PLEKHH2: variants seen among roughly 807,000 people sequenced by gnomAD.
PLEKHH2 encodes the protein pleckstrin homology, MyTH4 and FERM domain containing H2.
In PLEKHH2, 129 loss-of-function variants were observed where a neutral mutation model predicts 187.9. The ratio of observed to expected loss-of-function variants is 0.69; its 90% CI spans 0.59 to 0.79. PLEKHH2 has a LOEUF of 0.79. Among genes scored for constraint, PLEKHH2 ranks in the 30% least tolerant of loss-of-function variants. The probability of loss-of-function intolerance (pLI) is 0.00; values close to 1 mark genes in which losing one functional copy is unlikely to be tolerated. For missense variants in PLEKHH2, 2,076 were observed against 1,751.2 expected (o/e 1.19, Z -3.31); for synonymous variants, 686 against 605.6 (o/e 1.13, Z -1.95).
chr2:43,752,113 T>C (rs931963850), intron 24 of PLEKHH2, among the ~76,000 whole-genome samples: 7 of 152,174 alleles, frequency 4.6e-5, no homozygotes, highest in Admixed American at 3.3e-4. Context: ...TGGATTACAG[T>C]GATGAGTATG....
At chr2:43,658,962 T>C (rs1666926831) in intron 2 of PLEKHH2, 1 of 145,990 alleles carries the variant, frequency 6.8e-6, no homozygotes, top group Non-Finnish European at 1.5e-5. Context: ...TTTTAAGACT[T>C]TTTTTTCTTT....
intron 2 of PLEKHH2, among the ~76,000 whole-genome samples, chr2:43,672,600 TTTTTCTATGTAC>T (rs1253806111): frequency 6.6e-6 from 1 of 152,198 alleles, no homozygotes; most frequent in Non-Finnish European, 1.5e-5. Context: ...ATTTGAACCC[TTTTTCTATGTAC>T]TTTCATATAT....
intron 3 of PLEKHH2, among the ~76,000 whole-genome samples, chr2:43,684,660 C>T (rs1668407107): frequency 6.6e-6 from 1 of 151,984 alleles, no homozygotes; most frequent in African/African-American, 2.4e-5. Flanking sequence ...GCCATCAGGG[C>T]CAACCACTGG....
Position 43,675,886 on chromosome 2 carries a change from A to G in PLEKHH2, c.124-2977A>G, listed in dbSNP as rs528791936. The G allele has an allele frequency of 2.5e-6, 4 of 1,614,130 alleles. No individual in the cohort carries two copies. In the African/African-American group the frequency reaches 5.3e-5, roughly 22 times the overall value. ...GTACTTTAAATTTTCAATGACAGCAAACGTAGTGGGAAGTGCAAGGAAGAA... is the reference window on the plus strand; with the variant it reads ...GTACTTTAAATTTTCAATGACAGCAGACGTAGTGGGAAGTGCAAGGAAGAA... On this transcript the variant is annotated intron_variant, in intron 2 of 29. Transcript: ENST00000282406.
In PLEKHH2 at chr2:43,707,514, T is replaced by G. The variant is rs1486842333; in HGVS notation, c.1935T>G (p.Ser645Arg). ...RTSESDSRSR[S>R]GPGSPRAMKR... ...CAGAGTCAGACTCACGCAGTAGGAG[T>G]GGGCCAGGCAGCCCCAGAGCCATGA... Residue 645 changes from serine (S) to arginine (R), a missense_variant, in exon 11 of 30, where the codon AGT becomes AGG. Coordinates refer to ENST00000282406, the MANE Select transcript of PLEKHH2 (RefSeq NM_172069.4). 1.2e-6 allele frequency: 2 copies of G among 1,613,866 alleles called. No homozygotes were observed. Among genetic ancestry groups the G allele is most frequent in the East Asian group, 4.5e-5 (2 of 44,870 alleles).
intron 1 of PLEKHH2, among the ~76,000 whole-genome samples, chr2:43,643,098 G>C (rs1000406914): frequency 6.6e-6 from 1 of 152,096 alleles, no homozygotes; most frequent in Non-Finnish European, 1.5e-5. Flanking sequence ...ACGTGTTTGT[G>C]ATCGACAAAC....
intron 20 of PLEKHH2, among the ~76,000 whole-genome samples, chr2:43,739,027 G>C (rs1050511327): frequency 3.3e-5 from 5 of 152,134 alleles, no homozygotes. Context: ...AAGTAGCTGA[G>C]ATTACAGGCA....
At chr2:43,669,724 G>A (rs76024393) in intron 2 of PLEKHH2, among the ~76,000 whole-genome samples, 37 of 144,328 alleles carry the variant, frequency 2.6e-4, no homozygotes, top group Non-Finnish European at 4.1e-4. Context: ...TTTTTTTTTT[G>A]AGACGGAGTC....
chr2:43,710,688 TG>T (rs1482316364), intron 14 of PLEKHH2, 113 bp downstream of exon 14: 2 of 1,478,270 alleles, frequency 1.4e-6, no homozygotes, highest in South Asian at 1.4e-5. Flanking sequence ...TTATTCACTT[TG>T]GGGGGTTAGT....
chr2:43,757,900 C>A (rs561119905), intron 26 of PLEKHH2, among the ~76,000 whole-genome samples: 1 of 151,642 alleles, frequency 6.6e-6, no homozygotes, highest in South Asian at 2.1e-4. Flanking sequence ...GAAGTACATA[C>A]CAAAAAATTA....
intron 19 of PLEKHH2, among the ~76,000 whole-genome samples, chr2:43,733,310 C>A (rs1277619055): frequency 3.3e-5 from 5 of 150,150 alleles, no homozygotes; most frequent in African/African-American, 1.2e-4. Flanking sequence ...TTGCACTGAG[C>A]CGAGATCGCA....
chr2:43,762,697 A>T (rs917357145), intron 28 of PLEKHH2, among the ~76,000 whole-genome samples: 4 of 152,188 alleles, frequency 2.6e-5, no homozygotes, highest in Non-Finnish European at 4.4e-5. Context: ...TTCCTGTGTA[A>T]AATAAAAATC....
chr2:43,725,168 GT>G (rs548744434), intron 16 of PLEKHH2, among the ~76,000 whole-genome samples: 1 of 152,002 alleles, frequency 6.6e-6, no homozygotes, highest in Non-Finnish European at 1.5e-5. Flanking sequence ...ACAGAGCAGA[GT>G]TTTTTTTATC....
chr2:43,738,670 GTTTA>G (rs1185161660), intron 20 of PLEKHH2, 150 bp downstream of exon 20: 1 of 742,830 alleles, frequency 1.3e-6, no homozygotes, highest in Non-Finnish European at 2.1e-6. Flanking sequence ...TACCTTTTTG[GTTTA>G]TTTATATGTT....
At chr2:43,654,752 C>A (rs1325482869) in intron 2 of PLEKHH2, among the ~76,000 whole-genome samples, 1 of 145,928 alleles carries the variant, frequency 6.9e-6, no homozygotes, top group Non-Finnish European at 1.5e-5. Flanking sequence ...ATAGGCCAGG[C>A]GTGGTGGCTC....
intron 2 of PLEKHH2, among the ~76,000 whole-genome samples, chr2:43,669,873 T>C (rs1331172831): frequency 6.6e-6 from 1 of 152,014 alleles, no homozygotes; most frequent in Admixed American, 6.6e-5. Flanking sequence ...TCAAAAGGAT[T>C]TGAAACAATG....
intron 2 of PLEKHH2, among the ~76,000 whole-genome samples, chr2:43,649,045 T>C (rs893200972): frequency 6.6e-6 from 1 of 152,184 alleles, no homozygotes; most frequent in African/African-American, 2.4e-5. Flanking sequence ...AGAAAAGTTG[T>C]TTTGCACCTA....
chr2:43,639,775 G>T (rs1278262288), intron 1 of PLEKHH2, among the ~76,000 whole-genome samples: 1 of 149,626 alleles, frequency 6.7e-6, no homozygotes, highest in Non-Finnish European at 1.5e-5. Flanking sequence ...TCCTGTCTCA[G>T]CCTCCCTAGT....
At chr2:43,652,791 GAA>G (rs1439430848) in intron 2 of PLEKHH2, among the ~76,000 whole-genome samples, 1 of 152,130 alleles carries the variant, frequency 6.6e-6, no homozygotes, top group Non-Finnish European at 1.5e-5. Context: ...GGCACAATCA[GAA>G]AAAACCAGCA....
Sources: gnomAD v4.1 joint callset for allele counts (sites outside exome capture counted in the v4.1 genomes callset) on GRCh38, gnomAD v4.1.1 for gene constraint, MANE v1.5 for transcripts, NCBI Gene and HGNC (gene_info 2026-07-23, HGNC 2026-07-21) for gene names.